The following GCC2 variants were observed in gnomAD, a reference collection of about 807,000 sequenced individuals.
The protein encoded by GCC2 is GRIP and coiled-coil domain containing 2.
A neutral mutation model predicts 210.6 loss-of-function variants in GCC2; 120 were observed. The ratio of observed to expected loss-of-function variants is 0.57; its 90% confidence interval spans 0.49 to 0.66. The LOEUF (loss-of-function observed/expected upper bound fraction) is 0.66. Among genes scored for constraint, GCC2 ranks in the 30% least tolerant of loss-of-function variants. The pLI is 0.00. For missense variants in GCC2, 1,868 were observed against 1,871.9 expected (o/e 1.00, Z 0.04); for synonymous variants, 703 against 652.7 (o/e 1.08, Z -1.17).
intron 17 of GCC2, among the ~76,000 whole-genome samples, chr2:108,488,379 GAT>G (rs778444785): frequency 3.3e-5 from 5 of 152,176 alleles, no homozygotes; most frequent in Non-Finnish European, 5.9e-5. Flanking sequence ...CAGGATATGA[GAT>G]AATAGGCTAA....
At position 108,485,888 on chromosome 2, in the gene GCC2, C is replaced by T; in HGVS notation, c.3772C>T (p.Gln1258Ter). Residue 1258 changes from glutamine to a stop codon, truncating the protein, a stop_gained, in exon 15 of 23, where the codon CAG becomes TAG. Coordinates refer to ENST00000309863, the MANE Select transcript of GCC2 (RefSeq NM_181453.4). LOFTEE classifies it high-confidence loss of function. Reference sequence around the variant, plus strand: ...AAAAGGTGAGCTGGAGGCAAGCCAGCAGCAAGTAGAAGTCTATAAAGTAAG... The same window carrying T: ...AAAAGGTGAGCTGGAGGCAAGCCAGTAGCAAGTAGAAGTCTATAAAGTAAG... The part of the protein sequence containing the change: ...SLKGELEASQ[Q>*]QVEVYKIQLA... 6.3e-7 allele frequency: 1 copy of T among 1,578,106 alleles called. No individual in the cohort carries two copies. Among genetic ancestry groups the T allele is most frequent in the South Asian group, 1.1e-5 (1 of 87,090 alleles).
chr2:108,493,291 T>C (rs1001858892), intron 19 of GCC2: 1 of 551,874 alleles, frequency 1.8e-6, no homozygotes, highest in Admixed American at 5.3e-5. Flanking sequence ...AGTTTCACCG[T>C]GTTAGCCAGG....
chr2:108,485,472 T>A (rs1028661830), intron 13 of GCC2, among the ~76,000 whole-genome samples, 164 bp from the exon 14 acceptor site: 1 of 152,170 alleles, frequency 6.6e-6, no homozygotes, highest in Non-Finnish European at 1.5e-5. Context: ...CAGTAGAGTT[T>A]ATGGCACTGT....
At chr2:108,505,156 C>G (rs1216589373) in intron 22 of GCC2, among the ~76,000 whole-genome samples, 1 of 152,194 alleles carries the variant, frequency 6.6e-6, no homozygotes, top group Non-Finnish European at 1.5e-5. Flanking sequence ...GAGAACACAG[C>G]AAAATTTTTG....
At chr2:108,449,717 T>G (rs758098906) in intron 2 of GCC2, 28 bp downstream of exon 2, 2 of 1,586,806 alleles carry the variant, frequency 1.3e-6, no homozygotes, top group South Asian at 2.2e-5. Flanking sequence ...ATAGCGGGCT[T>G]CCTGAAGAGT....
At position 108,449,353 on chromosome 2, in the gene GCC2, A is replaced by C. The variant is rs1340191729; in HGVS notation, c.6+73A>C. 5 of 1,521,100 alleles carry C rather than the reference A, an allele frequency of 3.3e-6. No individual in the cohort carries two copies. In the African/African-American group the frequency reaches 6.9e-5, roughly 21 times the overall value. The allele number at this position is 1,521,100 out of a possible 1,614,324, so 94.2% of individuals were successfully genotyped here. On this transcript the variant is annotated intron_variant, in intron 1 of 22. Coordinates refer to ENST00000309863, the MANE Select transcript of GCC2 (RefSeq NM_181453.4). ...GATTTGGGATGTGGGAGTGGGCCCG[A>C]TGGGAGGGCGCGGTAGTCTCCCTCT...
intron 22 of GCC2, among the ~76,000 whole-genome samples, chr2:108,505,944 C>G (rs1683161672): frequency 6.6e-6 from 1 of 152,036 alleles, no homozygotes; most frequent in Non-Finnish European, 1.5e-5. Flanking sequence ...GCTACTCTGC[C>G]TAAGGTCAAA....
intron 4 of GCC2, among the ~76,000 whole-genome samples, chr2:108,462,364 G>A (rs1387693405): frequency 1.4e-5 from 2 of 144,330 alleles, no homozygotes; most frequent in Non-Finnish European, 3.0e-5. Context: ...TGTGGTGGTG[G>A]GCGCCTGTAG....
At chr2:108,468,061 CT>C (rs1323922121) in intron 4 of GCC2, among the ~76,000 whole-genome samples, 1 of 109,660 alleles carries the variant, frequency 9.1e-6, no homozygotes, top group Non-Finnish European at 1.8e-5. Flanking sequence ...TAATAATTTT[CT>C]TTTTCTTTTT....
chr2:108,452,024 A>G (rs1005497517), intron 3 of GCC2, among the ~76,000 whole-genome samples: 1 of 151,876 alleles, frequency 6.6e-6, no homozygotes, highest in African/African-American at 2.4e-5. Flanking sequence ...TTGTATTTTT[A>G]GTAGAGACGA....
At position 108,471,970 on chromosome 2, in the gene GCC2, C is replaced by G; in HGVS notation, c.2641C>G (p.Gln881Glu). The change falls in exon 6 of 23, where the codon CAA (glutamine) becomes GAA (glutamate). Residue 881 changes from glutamine (Q) to glutamate (E), a missense_variant. Coordinates refer to ENST00000309863, the MANE Select transcript of GCC2 (RefSeq NM_181453.4). ...TRLENQNLLI[Q>E]VEEVSQTCSK... is the part of the protein sequence containing the mutation. Reference sequence around the variant, plus strand: ...GCTTGAAAATCAGAATCTTTTAATTCAAGTTGAAGAAGTATCTCAAACATG... The same window carrying G: ...GCTTGAAAATCAGAATCTTTTAATTGAAGTTGAAGAAGTATCTCAAACATG... The G allele has an allele frequency of 1.9e-6, 3 of 1,603,864 alleles. No individual in the cohort carries two copies. The highest frequency in any genetic ancestry group is 1.7e-6 in the Non-Finnish European group (2 of 1,177,256).
rs772413848 is a variant in GCC2 at position 108,492,639 on chromosome 2, A to G, written c.4296A>G (p.Leu1432=). 1 of 1,613,844 alleles carries G rather than the reference A, an allele frequency of 6.2e-7. No homozygotes were observed. The highest frequency in any genetic ancestry group is 1.3e-5 in the African/African-American group (1 of 75,068). Reference sequence around the variant, plus strand: ...AACATACACAGACTGTGAGTCAGCTAACATCCCAGAACGAGGTCCTTCGAA... The same window carrying G: ...AACATACACAGACTGTGAGTCAGCTGACATCCCAGAACGAGGTCCTTCGAA... ...KSEHTQTVSQ[L]TSQNEVLRNS... The change falls in exon 19 of 23, where the codon CTA becomes CTG. Residue 1432 remains leucine, a synonymous_variant. Transcript: ENST00000309863.
chr2:108,482,929 C>T (rs2577614), intron 11 of GCC2, 133 bp from the exon 12 acceptor site: 98,476 of 609,864 alleles, frequency 0.16, 8,704 homozygotes, highest in South Asian at 0.2. Context: ...ATCCACCCGC[C>T]TCGGCCTCCC....
Position 108,470,863 on chromosome 2 carries a change from C to G in GCC2, c.1534C>G (p.Gln512Glu). 1 of 1,613,678 alleles carries G rather than the reference C, an allele frequency of 6.2e-7. No individual in the cohort carries two copies. The highest frequency in any genetic ancestry group is 8.5e-7 in the Non-Finnish European group (1 of 1,179,774). ...SQEFESMKQQQASDVHELQQK... is the reference protein window; with the variant it reads ...SQEFESMKQQEASDVHELQQK... ...AGAGTTCGAATCAATGAAGCAACAG[C>G]AAGCATCTGATGTTCATGAACTGCA... The change falls in exon 6 of 23, where the codon CAA becomes GAA. Residue 512 changes from glutamine to glutamate, a missense_variant. By Grantham distance (29) the Gln-to-Glu change is conservative (BLOSUM62 2). Coordinates refer to ENST00000309863, the MANE Select transcript of GCC2 (RefSeq NM_181453.4).
At chr2:108,507,064 C>G (rs1160843514) in intron 22 of GCC2, among the ~76,000 whole-genome samples, 1 of 152,008 alleles carries the variant, frequency 6.6e-6, no homozygotes, top group Non-Finnish European at 1.5e-5. Context: ...TTCAGTATAT[C>G]CTTTAAAAAG....
chr2:108,501,861 T>G (rs1297998399), intron 22 of GCC2, among the ~76,000 whole-genome samples: 1 of 152,194 alleles, frequency 6.6e-6, no homozygotes, highest in African/African-American at 2.4e-5. Flanking sequence ...TCTTTGAATC[T>G]GGTTTTTTAT....
At chr2:108,478,276 A>G (rs1443199394) in intron 9 of GCC2, among the ~76,000 whole-genome samples, 1 of 134,402 alleles carries the variant, frequency 7.4e-6, no homozygotes, top group African/African-American at 2.9e-5. Flanking sequence ...TTTCATTACC[A>G]TATTTTCATA....
intron 4 of GCC2, among the ~76,000 whole-genome samples, chr2:108,464,900 T>A (rs1313990857): frequency 6.6e-6 from 1 of 152,106 alleles, no homozygotes; most frequent in East Asian, 1.9e-4. Context: ...GAGGTTTTAT[T>A]TATGGCAGAA....
At chr2:108,491,107 T>C (rs529226713) in intron 18 of GCC2, among the ~76,000 whole-genome samples, 1 of 152,276 alleles carries the variant, frequency 6.6e-6, no homozygotes, top group South Asian at 2.1e-4. Flanking sequence ...CTATAGCAGA[T>C]TGTGAAAATG....
Sources: allele counts gnomAD v4.1 joint callset (sites outside exome capture counted in the v4.1 genomes callset), GRCh38; gene constraint gnomAD v4.1.1; transcripts MANE v1.5; gene names NCBI Gene and HGNC (gene_info 2026-07-23, HGNC 2026-07-21).